MTA3: variants seen among roughly 807,000 people sequenced by gnomAD.
The protein encoded by MTA3 is metastasis-associated protein MTA3.
A neutral mutation model predicts 83.5 loss-of-function variants in MTA3; 34 were observed. The ratio of observed to expected loss-of-function variants is 0.41; its 90% CI spans 0.31 to 0.54. The LOEUF (loss-of-function observed/expected upper bound fraction) is 0.54, where lower values mean the gene tolerates loss of function less well. MTA3 is among the 20% of genes least tolerant of loss of function. The pLI is 0.33. For missense variants in MTA3, 761 were observed against 726.4 expected (o/e 1.05, Z -0.55); for synonymous variants, 303 against 252.7 (o/e 1.20, Z -1.89).
intron 9 of MTA3, among the ~76,000 whole-genome samples, chr2:42,683,535 A>T (rs1692115909): frequency 6.6e-6 from 1 of 152,180 alleles, no homozygotes; most frequent in African/African-American, 2.4e-5. Context: ...TATTATGATT[A>T]CATTGTCATA....
At chr2:42,726,583 C>T (rs1448445462) in intron 16 of MTA3, among the ~76,000 whole-genome samples, 1 of 152,092 alleles carries the variant, frequency 6.6e-6, no homozygotes, top group East Asian at 1.9e-4. Flanking sequence ...TCAATTCCCA[C>T]CTATGAGTGA....
intron 6 of MTA3, 28 bp from the exon 7 acceptor site, chr2:42,656,172 A>G: frequency 6.5e-7 from 1 of 1,537,648 alleles, no homozygotes; most frequent in South Asian, 1.1e-5. Context: ...GTCAGTAACA[A>G]GACTCCATTT....
intron 2 of MTA3, among the ~76,000 whole-genome samples, chr2:42,517,489 C>G (rs1675197783): frequency 6.7e-6 from 1 of 150,002 alleles, no homozygotes; most frequent in Non-Finnish European, 1.5e-5. Flanking sequence ...AGGAGAATTG[C>G]TTCAATCCGG....
At chr2:42,551,586 T>G (rs959107452) in intron 2 of MTA3, among the ~76,000 whole-genome samples, 2 of 152,006 alleles carry the variant, frequency 1.3e-5, no homozygotes, top group African/African-American at 4.8e-5. Context: ...AGCTTACATT[T>G]TAGTGGGAAA....
intron 3 of MTA3, among the ~76,000 whole-genome samples, chr2:42,606,583 C>T (rs1331551934): frequency 7.0e-6 from 1 of 142,996 alleles, no homozygotes; most frequent in Non-Finnish European, 1.5e-5. Flanking sequence ...GGAGACGCTC[C>T]TCACTTTCCA....
chr2:42,581,594 G>C (rs1192494043), intron 3 of MTA3, among the ~76,000 whole-genome samples: 2 of 150,720 alleles, frequency 1.3e-5, no homozygotes, highest in African/African-American at 2.4e-5. Context: ...TGTTGCCAGG[G>C]TGGGTCTCAA....
intron 3 of MTA3, among the ~76,000 whole-genome samples, chr2:42,604,508 C>G (rs1682983654): frequency 6.6e-6 from 1 of 151,136 alleles, no homozygotes; most frequent in African/African-American, 2.4e-5. Flanking sequence ...GTGAGTCTAT[C>G]CTTGCTGCTG....
chr2:42,708,111 C>A, intron 13 of MTA3, 57 bp downstream of exon 13: 7 of 1,526,758 alleles, frequency 4.6e-6, no homozygotes, highest in Non-Finnish European at 6.2e-6. Context: ...GTTGATTATT[C>A]CTTGGAAACA....
intron 16 of MTA3, among the ~76,000 whole-genome samples, chr2:42,731,830 G>C (rs961247455): frequency 6.6e-6 from 1 of 152,162 alleles, no homozygotes; most frequent in Non-Finnish European, 1.5e-5. Flanking sequence ...CTCCCTATGA[G>C]TCTGTAAAAT....
chr2:42,702,599 C>T (rs1665685598), intron 11 of MTA3: 1 of 152,222 alleles, frequency 6.6e-6, no homozygotes, highest in African/African-American at 2.4e-5. Context: ...ATTCAGCATT[C>T]ATTTCCGATA....
At chr2:42,499,350 G>C (rs932622468) in intron 2 of MTA3, among the ~76,000 whole-genome samples, 2 of 151,578 alleles carry the variant, frequency 1.3e-5, no homozygotes, top group Non-Finnish European at 1.5e-5. Flanking sequence ...ATTTTTAGTA[G>C]AGACAGGGTT....
At chr2:42,552,989 C>G (rs1214564798) in intron 2 of MTA3, among the ~76,000 whole-genome samples, 1 of 151,536 alleles carries the variant, frequency 6.6e-6, no homozygotes, top group East Asian at 1.9e-4. Flanking sequence ...GAAAGTTCTA[C>G]TCCGAGGCTG....
At chr2:42,751,087 G>A (rs1237341821) in intron 16 of MTA3, among the ~76,000 whole-genome samples, 1 of 152,114 alleles carries the variant, frequency 6.6e-6, no homozygotes, top group Non-Finnish European at 1.5e-5. Flanking sequence ...AAAATTCTGT[G>A]GTTTCTTCTC....
intron 8 of MTA3, among the ~76,000 whole-genome samples, chr2:42,667,964 A>G (rs1026299693): frequency 5.9e-5 from 9 of 152,280 alleles, no homozygotes; most frequent in Non-Finnish European, 1.0e-4. Context: ...CTTTTCCCCC[A>G]TCAATCTGTA....
In MTA3 at chr2:42,711,775, A is replaced by AGTGTGT. The variant is rs372997456; in HGVS notation, c.1525+2680_1525+2681insTGTGTG. ...GTGATCTACTGGGAGTGTATAGGAG[A>AGTGTGT]GAGAGAGAGTGTGTGTGTGTGTGTG... On this transcript the variant is annotated intron_variant, in intron 14 of 16. Coordinates refer to ENST00000405094, the MANE Select transcript of MTA3 (RefSeq NM_001330442.2). 2.5e-3 allele frequency among the ~76,000 whole-genome samples: 352 copies of AGTGTGT among 139,484 alleles called. 3 individuals are homozygous for AGTGTGT. The highest frequency in any genetic ancestry group is 7.6e-3 in the African/African-American group (271 of 35,482). The allele number at this position is 139,484 out of a possible 152,430, so 91.5% of individuals were successfully genotyped here.
chr2:42,525,309 C>T (rs1158337295), intron 2 of MTA3, among the ~76,000 whole-genome samples: 1 of 151,902 alleles, frequency 6.6e-6, no homozygotes, highest in Non-Finnish European at 1.5e-5. Flanking sequence ...AAGCAATTCT[C>T]GTGCCTCAGC....
At chr2:42,506,750 G>C (rs1367679984) in intron 2 of MTA3, among the ~76,000 whole-genome samples, 1 of 151,950 alleles carries the variant, frequency 6.6e-6, no homozygotes, top group African/African-American at 2.4e-5. Flanking sequence ...TGGGACTACA[G>C]GCACAGACCA....
chr2:42,523,361 C>G (rs547255347), intron 2 of MTA3, among the ~76,000 whole-genome samples: 1 of 152,102 alleles, frequency 6.6e-6, no homozygotes, highest in Non-Finnish European at 1.5e-5. Flanking sequence ...GGCAAGAGAG[C>G]GGCAGTGAGA....
At chr2:42,668,685 T>C (rs569410286) in intron 8 of MTA3, among the ~76,000 whole-genome samples, 1 of 152,320 alleles carries the variant, frequency 6.6e-6, no homozygotes, top group Non-Finnish European at 1.5e-5. Flanking sequence ...TGTCATGCCG[T>C]GTTTATTATT....
Sources: allele counts gnomAD v4.1 joint callset (sites outside exome capture counted in the v4.1 genomes callset), GRCh38; gene constraint gnomAD v4.1.1; transcripts MANE v1.5; gene names NCBI Gene and HGNC (gene_info 2026-07-23, HGNC 2026-07-21).